The following TEP1 variants were observed in gnomAD, a reference collection of about 807,000 sequenced individuals.
TEP1 encodes the protein telomerase protein component 1.
In TEP1, 241 loss-of-function variants were observed where a neutral mutation model predicts 306.3. That is an observed-to-expected ratio of 0.79 (90% CI 0.71 to 0.88). The LOEUF (loss-of-function observed/expected upper bound fraction) is 0.88. TEP1 is among the 40% of genes least tolerant of loss of function. The probability of loss-of-function intolerance (pLI) is 0.00; values close to 1 mark genes in which losing one functional copy is unlikely to be tolerated. For missense variants in TEP1, 3,051 were observed against 3,276.1 expected (o/e 0.93, Z 1.68); for synonymous variants, 1,289 against 1,305.5 (o/e 0.99, Z 0.27).
At chr14:20,383,420 C>A in intron 26 of TEP1, 67 bp from the exon 27 acceptor site, 1 of 1,608,594 alleles carries the variant, frequency 6.2e-7, no homozygotes, top group Non-Finnish European at 8.5e-7. Context: ...AGAGGCCTCT[C>A]TCCTCCGTGC....
chr14:20,368,969 A>G, intron 53 of TEP1, 67 bp from the exon 54 acceptor site: 1 of 1,160,004 alleles, frequency 8.6e-7, no homozygotes. Context: ...AAGCATCACA[A>G]TGTGCTGTGT....
At position 20,390,749 on chromosome 14, in the gene TEP1, C is replaced by T. The variant is rs374285934; in HGVS notation, c.2266G>A (p.Glu756Lys). The change falls in exon 15 of 55, where the codon GAA (glutamate) becomes AAA (lysine). Residue 756 changes from glutamate (E) to lysine (K), a missense_variant. Glu to Lys is a moderately conservative substitution (Grantham distance 56, BLOSUM62 1). Transcript: ENST00000262715. ...GTATTCAGGGACCATCCATCATTTT[C>T]ATCAAACTCCTGAAGGAAAGAGACT... ...KLQAQVQEFDENDGWSLNTFG... is the reference protein window; with the variant it reads ...KLQAQVQEFDKNDGWSLNTFG... The T allele has an allele frequency of 3.1e-6, 5 of 1,614,086 alleles. No individual in the cohort carries two copies. The highest frequency in any genetic ancestry group is 4.2e-6 in the Non-Finnish European group (5 of 1,180,044).
In TEP1 at chr14:20,395,968, A is replaced by T; in HGVS notation, c.1660-19T>A. 5 of 1,609,144 alleles carry T rather than the reference A, an allele frequency of 3.1e-6. No homozygotes were observed. Among genetic ancestry groups the T allele is most frequent in the Non-Finnish European group, 4.3e-6 (5 of 1,175,586 alleles). On this transcript the variant is annotated intron_variant, in intron 10 of 54. Transcript: ENST00000262715. ...CCGACTTCTAGAAAGCAAAGGAGGG[A>T]GGGGTCATGAGCACAGGAGCCGGGA...
rs918167787 is a variant in TEP1, at chr14:20,371,506, A to G, written c.7203T>C (p.Asp2401=). ...GATCTTACCAGATTTCAGATGGAGC[A>G]TCCCCTGGCTTCATGCAAAGTAACT... ...DLKLLCMKPG[D]APSEIWSSYT... Residue 2401 remains aspartate (D), a synonymous_variant, in exon 50 of 55, where the codon GAT becomes GAC. Transcript: ENST00000262715. 3 of 1,609,030 alleles carry G rather than the reference A, an allele frequency of 1.9e-6. No individual in the cohort carries two copies. Among genetic ancestry groups the G allele is most frequent in the African/African-American group, 2.7e-5 (2 of 74,456 alleles).
At position 20,401,437 on chromosome 14, in the gene TEP1, C is replaced by T. The variant is rs768634291; in HGVS notation, c.1391+20G>A. 7 of 1,612,650 alleles carry T rather than the reference C, an allele frequency of 4.3e-6. No individual in the cohort carries two copies. The Admixed American group carries it at 1.0e-4, about 23-fold the overall frequency. ...AGGAATTACTTAGATGGAATGCATG[C>T]TCAGGGTGCAGCTTCTCACCTGTAA... On this transcript the variant is annotated intron_variant, in intron 8 of 54. Transcript: ENST00000262715.
Position 20,384,150 on chromosome 14 carries a change from G to C in TEP1, c.3422C>G (p.Pro1141Arg), listed in dbSNP as rs113216635. 5 of 1,614,124 alleles carry C rather than the reference G, an allele frequency of 3.1e-6. No individual in the cohort carries two copies. In the East Asian group the frequency reaches 8.9e-5, roughly 29 times the overall value. Residue 1141 changes from proline to arginine, a missense_variant, in exon 24 of 55, where the codon CCG becomes CGG. Physicochemically the swap from Pro to Arg is moderately radical, Grantham distance 103. Coordinates refer to ENST00000262715, the MANE Select transcript of TEP1 (RefSeq NM_007110.5). ...QATFQQLQKP[P>R]SPARPRLLQD... is the part of the protein sequence containing the mutation. ...AAGAAGGCGTGGCCGGGCAGGACTC[G>C]GTGGCTTCTGCAGCTGCTGGAAGGT...
At position 20,373,044 on chromosome 14, in the gene TEP1, C is replaced by A; in HGVS notation, c.6918G>T (p.Leu2306Phe). 1 of 1,614,216 alleles carries A rather than the reference C, an allele frequency of 6.2e-7. No individual in the cohort carries two copies. Among genetic ancestry groups the A allele is most frequent in the South Asian group, 1.1e-5 (1 of 91,086 alleles). Residue 2306 changes from leucine (L) to phenylalanine (F), a missense_variant, in exon 48 of 55, where the codon TTG becomes TTT. By Grantham distance (22) the Leu-to-Phe change is conservative. Around this residue, in one of 3 missense-constraint regions of TEP1, gnomAD observed 1,540 missense variants for 1,705.9 expected, o/e 0.90. Coordinates refer to ENST00000262715, the MANE Select transcript of TEP1 (RefSeq NM_007110.5). ...TGGCCACAGCCTTAGCTTCCTGCCA[C>A]AAGATTAGTTCCCCAGCTTGATTTC... The part of the protein sequence containing the change: ...VSGNQAGELI[L>F]WQEAKAVATA...
chr14:20,372,380 A>ATGTGTGTG (rs59329010), intron 49 of TEP1, among the ~76,000 whole-genome samples: 9,250 of 139,568 alleles, frequency 0.066, 390 homozygotes, highest in Middle Eastern at 0.12. Flanking sequence ...GTGTGTGTGT[A>ATGTGTGTG]TGTGTGTGTG....
intron 44 of TEP1, among the ~76,000 whole-genome samples, chr14:20,374,079 T>C (rs967850118): frequency 1.3e-5 from 2 of 151,794 alleles, no homozygotes; most frequent in Admixed American, 1.3e-4. Flanking sequence ...AGTATCTCAT[T>C]TTCTTTTTCT....
chr14:20,377,069 G>A (rs1381926208), intron 41 of TEP1, among the ~76,000 whole-genome samples: 1 of 152,044 alleles, frequency 6.6e-6, no homozygotes, highest in Non-Finnish European at 1.5e-5. Flanking sequence ...TATAAAATTA[G>A]CCGGGCGTGG....
intron 1 of TEP1, among the ~76,000 whole-genome samples, chr14:20,409,884 G>T (rs569274619): frequency 4.5e-4 from 69 of 151,668 alleles, no homozygotes; most frequent in South Asian, 2.3e-3. Flanking sequence ...TAGCCAGGCA[G>T]GGTGGCGGGC....
intron 9 of TEP1, among the ~76,000 whole-genome samples, chr14:20,397,751 A>G (rs1023723705): frequency 1.3e-5 from 2 of 151,716 alleles, no homozygotes; most frequent in African/African-American, 4.8e-5. Flanking sequence ...TTCAAGCCAT[A>G]GTTTCTTTTC....
chr14:20,395,405 T>C, intron 12 of TEP1, 45 bp downstream of exon 12: 1 of 1,520,016 alleles, frequency 6.6e-7, no homozygotes, highest in Non-Finnish European at 8.9e-7. Flanking sequence ...TGTGCCAGGG[T>C]AGCCCCGATT....
intron 2 of TEP1, among the ~76,000 whole-genome samples, chr14:20,407,534 T>C (rs1879272659): frequency 6.6e-6 from 1 of 151,930 alleles, no homozygotes; most frequent in South Asian, 2.1e-4. Flanking sequence ...AGAGACGGGG[T>C]TTCACCATGT....
chr14:20,410,665 C>T (rs1366059864), intron 1 of TEP1, among the ~76,000 whole-genome samples: 1 of 150,556 alleles, frequency 6.6e-6, no homozygotes, highest in Non-Finnish European at 1.5e-5. Flanking sequence ...TGGTCTCGAA[C>T]TCCTGACCTT....
intron 1 of TEP1, among the ~76,000 whole-genome samples, chr14:20,410,589 AT>A (rs905445204): frequency 6.4e-4 from 89 of 139,034 alleles, no homozygotes; most frequent in African/African-American, 2.2e-3. Context: ...TGCCCAGCTG[AT>A]TTTTTTTTCT....
chr14:20,389,425 T>C, intron 16 of TEP1, 128 bp from the exon 17 acceptor site: 2 of 1,421,734 alleles, frequency 1.4e-6, no homozygotes, highest in Non-Finnish European at 2.0e-6. Flanking sequence ...AGGCTAGGGC[T>C]AGGGTGGACT....
At position 20,403,890 on chromosome 14, in the gene TEP1, A is replaced by G. The variant is rs1406314938; in HGVS notation, c.1033-6T>C. On this transcript the variant is annotated splice_polypyrimidine_tract_variant and splice_region_variant and intron_variant, in intron 5 of 54. Coordinates refer to ENST00000262715, the MANE Select transcript of TEP1 (RefSeq NM_007110.5). ...TTATCTCCCTCAGCCAGGCTCTGTC[A>G]AAGAGAGAGGAGAGACCACTAGAAG... 6.2e-7 allele frequency: 1 copy of G among 1,614,098 alleles called. No homozygotes were observed. The highest frequency in any genetic ancestry group is 1.1e-5 in the South Asian group (1 of 91,086).
chr14:20,381,631 C>T lies in TEP1; in HGVS notation c.4480G>A (p.Gly1494Arg). 6.2e-7 allele frequency: 1 copy of T among 1,613,914 alleles called. No individual in the cohort carries two copies. Among genetic ancestry groups the T allele is most frequent in the African/African-American group, 1.3e-5 (1 of 75,060 alleles). The part of the protein sequence containing the change: ...RPGARLCLPD[G>R]PLRTAAKRCY... ...CGTTTAGCTGCTGTTCTCAGGGGCC[C>T]ATCAGGGAGGCACAGCCGGGCACCA... The change falls in exon 31 of 55, where the codon GGG becomes AGG. Residue 1494 changes from glycine to arginine, a missense_variant. By Grantham distance (125) the Gly-to-Arg change is moderately radical (BLOSUM62 -2). Coordinates refer to ENST00000262715, the MANE Select transcript of TEP1 (RefSeq NM_007110.5). The surrounding 1 kb of genome is among the most constrained non-coding windows in gnomAD (Gnocchi z 4.0).
Sources: allele counts gnomAD v4.1 joint callset (sites outside exome capture counted in the v4.1 genomes callset), GRCh38; gene constraint gnomAD v4.1.1; regional missense constraint gnomAD v4.1.1; non-coding constraint Gnocchi (gnomAD v3.1); transcripts MANE v1.5; gene names NCBI Gene and HGNC (gene_info 2026-07-23, HGNC 2026-07-21).